Variants in NHSL1 observed in about 807,000 individuals in gnomAD.
The protein encoded by NHSL1 is NHS-like protein 1.
In NHSL1, 48 loss-of-function variants were observed where a neutral mutation model predicts 95.0. That is an observed-to-expected ratio of 0.51 (90% confidence interval 0.40 to 0.64). The LOEUF (loss-of-function observed/expected upper bound fraction) is 0.64, where lower values mean the gene tolerates loss of function less well. Ranked by LOEUF, NHSL1 falls within the 30% of genes least tolerant of loss-of-function variation. The probability of loss-of-function intolerance (pLI) is 0.00; values close to 1 mark genes in which losing one functional copy is unlikely to be tolerated. For synonymous variants in NHSL1, 783 were observed against 833.9 expected, an observed-to-expected ratio of 0.94 and a Z score of 1.05; for missense variants, 1,971 against 2,077.7, an observed-to-expected ratio of 0.95 and a Z score of 1.00.
chr6:138,551,310 A>G (rs74867371), intron 1 of NHSL1, among the ~76,000 whole-genome samples: 2,500 of 152,318 alleles, frequency 0.016, 35 homozygotes, highest in Non-Finnish European at 0.028. Context: ...TTATTTTCAT[A>G]GCCATATCTC....
intron 1 of NHSL1, among the ~76,000 whole-genome samples, chr6:138,506,597 C>G (rs1221679815): frequency 2.0e-5 from 3 of 152,138 alleles, no homozygotes; most frequent in Non-Finnish European, 4.4e-5. Context: ...TTCATTGTTT[C>G]TCTGACATTT....
chr6:138,653,458 G>A (rs1341907281), intron 1 of NHSL1, among the ~76,000 whole-genome samples: 2 of 152,106 alleles, frequency 1.3e-5, no homozygotes, highest in African/African-American at 4.8e-5. Context: ...GGAGGCTGAG[G>A]CAGGAGAATC....
chr6:138,622,099 A>C (rs1441967646), intron 1 of NHSL1, among the ~76,000 whole-genome samples: 2 of 152,236 alleles, frequency 1.3e-5, no homozygotes, highest in African/African-American at 2.4e-5. Flanking sequence ...AGAACTTCAG[A>C]GTGTCTTAAA....
chr6:138,436,635 G>C (rs1427952882), intron 5 of NHSL1, among the ~76,000 whole-genome samples: 1 of 152,218 alleles, frequency 6.6e-6, no homozygotes, highest in Non-Finnish European at 1.5e-5. Context: ...CTCGACAACA[G>C]GTTTTCAATG....
At chr6:138,605,227 CT>C (rs955135432) in intron 1 of NHSL1, among the ~76,000 whole-genome samples, 2 of 151,818 alleles carry the variant, frequency 1.3e-5, no homozygotes, top group Non-Finnish European at 2.9e-5. Flanking sequence ...ATCTAACTAC[CT>C]TTTTTGTTTG....
chr6:138,676,049 T>C (rs144820791), intron 1 of NHSL1, among the ~76,000 whole-genome samples: 8 of 152,310 alleles, frequency 5.3e-5, no homozygotes, highest in East Asian at 1.9e-4. Flanking sequence ...ATTAAACTAA[T>C]TGGAACCCAA....
intron 3 of NHSL1, among the ~76,000 whole-genome samples, chr6:138,453,389 C>T (rs73573228): frequency 9.2e-5 from 14 of 152,062 alleles, no homozygotes; most frequent in African/African-American, 2.9e-4. Context: ...AGGTCTTGCC[C>T]TCTTGCCCAG....
intron 2 of NHSL1, among the ~76,000 whole-genome samples, chr6:138,485,825 TA>T (rs1171476331): frequency 1.3e-5 from 2 of 152,190 alleles, no homozygotes; most frequent in African/African-American, 2.4e-5. Context: ...ATACCACACA[TA>T]TTTTTTTTAA....
chr6:138,607,340 C>T (rs1021805214), intron 1 of NHSL1, among the ~76,000 whole-genome samples: 4 of 152,140 alleles, frequency 2.6e-5, no homozygotes, highest in Non-Finnish European at 2.9e-5. Context: ...ATACTATCAT[C>T]GGACAAAACC....
chr6:138,509,553 AAGT>A (rs1217841115), intron 1 of NHSL1, among the ~76,000 whole-genome samples: 1 of 152,164 alleles, frequency 6.6e-6, no homozygotes, highest in Non-Finnish European at 1.5e-5. Context: ...TGACAAAATA[AAGT>A]AGAAGGTCGC....
At chr6:138,685,721 A>G (rs1785577000) in intron 1 of NHSL1, among the ~76,000 whole-genome samples, 1 of 152,140 alleles carries the variant, frequency 6.6e-6, no homozygotes, top group African/African-American at 2.4e-5. Context: ...TAATGTAAAG[A>G]GTCCATAGAG....
chr6:138,497,540 C>T (rs778634810), intron 1 of NHSL1, among the ~76,000 whole-genome samples: 25 of 152,172 alleles, frequency 1.6e-4, no homozygotes, highest in Non-Finnish European at 2.9e-4. Context: ...TGAGAACACA[C>T]GCATAAACTA....
At chr6:138,595,142 C>G (rs971205973) in intron 1 of NHSL1, among the ~76,000 whole-genome samples, 2 of 152,316 alleles carry the variant, frequency 1.3e-5, no homozygotes, top group East Asian at 3.9e-4. Flanking sequence ...CGTCAATCAC[C>G]TACAGAAGAT....
At chr6:138,625,634 TTTTA>T (rs1784726873) in intron 1 of NHSL1, among the ~76,000 whole-genome samples, 1 of 129,740 alleles carries the variant, frequency 7.7e-6, no homozygotes, top group South Asian at 2.7e-4. Flanking sequence ...TTTTGTGCTT[TTTTA>T]ATTAAAAAAA....
At chr6:138,596,107 C>T (rs1784300163) in intron 1 of NHSL1, among the ~76,000 whole-genome samples, 1 of 152,162 alleles carries the variant, frequency 6.6e-6, no homozygotes, top group African/African-American at 2.4e-5. Flanking sequence ...AGGTAATGGT[C>T]TGAATGCCTT....
intron 2 of NHSL1, among the ~76,000 whole-genome samples, chr6:138,476,128 G>C (rs1286058035): frequency 1.3e-5 from 2 of 152,094 alleles, no homozygotes; most frequent in Non-Finnish European, 2.9e-5. Context: ...ATTCAACCCA[G>C]CAATCCCACT....
At chr6:138,447,668 G>T (rs1776951922) in intron 3 of NHSL1, among the ~76,000 whole-genome samples, 1 of 152,260 alleles carries the variant, frequency 6.6e-6, no homozygotes, top group Non-Finnish European at 1.5e-5. Context: ...AGCTACTTGG[G>T]AGGCTGAGGC....
At chr6:138,492,792 C>A (rs1433081871) in intron 2 of NHSL1, among the ~76,000 whole-genome samples, 1 of 152,070 alleles carries the variant, frequency 6.6e-6, no homozygotes, top group East Asian at 1.9e-4. Context: ...AAAGGAATAA[C>A]CTGTTTAATA....
At chr6:138,499,198 C>T in intron 1 of NHSL1, 35 bp downstream of exon 1, 1 of 1,378,032 alleles carries the variant, frequency 7.3e-7, no homozygotes, top group Middle Eastern at 1.8e-4. Context: ...AACATATGCA[C>T]ACAATAGGTA....
Sources: gnomAD v4.1 joint callset for allele counts (sites outside exome capture counted in the v4.1 genomes callset) on GRCh38, gnomAD v4.1.1 for gene constraint, MANE v1.5 for transcripts, NCBI Gene and HGNC (gene_info 2026-07-23, HGNC 2026-07-21) for gene names.